The following SEC63 variants were observed in gnomAD, a reference collection of about 807,000 sequenced individuals.
The protein encoded by SEC63 is translocation protein SEC63 homolog.
In SEC63, 56 loss-of-function variants were observed where a neutral mutation model predicts 116.2. That is an observed-to-expected ratio of 0.48 (90% CI 0.39 to 0.60). SEC63 has a LOEUF of 0.60. Among genes scored for constraint, SEC63 ranks in the 20% least tolerant of loss-of-function variants. SEC63 has a pLI of 0.00. For missense variants in SEC63, 668 were observed against 900.0 expected (o/e 0.74, Z 3.30); for synonymous variants, 273 against 294.6 (o/e 0.93, Z 0.75).
Position 107,912,743 on chromosome 6 carries a change from C to A in SEC63, c.546G>T (p.Trp182Cys), listed in dbSNP as rs766150343. 1.2e-6 allele frequency: 2 copies of A among 1,611,646 alleles called. No individual in the cohort carries two copies. Among genetic ancestry groups the A allele is most frequent in the East Asian group, 2.2e-5 (1 of 44,856 alleles). Residue 182 changes from tryptophan (W) to cysteine (C), a missense_variant, in exon 6 of 21, where the codon TGG becomes TGT. By Grantham distance (215) the Trp-to-Cys change is radical. This residue lies in a region of SEC63 where 430 missense variants were observed against 557.5 expected (regional missense o/e 0.77). Coordinates refer to ENST00000369002, the MANE Select transcript of SEC63 (RefSeq NM_007214.5). ...ATSFGIALPA[W>C]IVDQKNSILV... Reference sequence around the variant, plus strand: ...GAATTGAGTTTTTCTGGTCAACTATCCAAGCTGGCAGGGCAATTCCAAAGC... The same window carrying A: ...GAATTGAGTTTTTCTGGTCAACTATACAAGCTGGCAGGGCAATTCCAAAGC...
rs183910668 is a variant in SEC63 at position 107,901,533 on chromosome 6, A to G, written c.1210-16T>C. 1.3e-6 allele frequency: 2 copies of G among 1,514,422 alleles called. No individual in the cohort carries two copies. 93.8% of individuals were successfully genotyped at this position (1,514,422 alleles called of 1,614,324 possible). A position where few individuals can be genotyped will look rare whatever the true frequency, so the allele number is the denominator to read the frequency against. The stretch of plus-strand genomic sequence containing the variant: ...TAATTTTATACTGAATAAAAAAAAA[A>G]AAGAAAATACATAATTCCCTAACTC... On this transcript the variant is annotated splice_polypyrimidine_tract_variant and intron_variant, in intron 12 of 20. Coordinates refer to ENST00000369002, the MANE Select transcript of SEC63 (RefSeq NM_007214.5).
intron 4 of SEC63, among the ~76,000 whole-genome samples, chr6:107,914,718 C>G (rs1297272573): frequency 5.3e-5 from 8 of 152,154 alleles, no homozygotes; most frequent in Non-Finnish European, 1.2e-4. Flanking sequence ...CCCTGTACAA[C>G]TGTCCACCCA....
intron 1 of SEC63, among the ~76,000 whole-genome samples, chr6:107,939,302 AACTT>A (rs1770321084): frequency 6.6e-6 from 1 of 152,154 alleles, no homozygotes; most frequent in Non-Finnish European, 1.5e-5. Context: ...AAACAACTAA[AACTT>A]ATTTTTGAAA....
intron 20 of SEC63, among the ~76,000 whole-genome samples, 156 bp from the exon 21 acceptor site, chr6:107,872,003 A>G (rs985864417): frequency 6.6e-6 from 1 of 152,250 alleles, no homozygotes; most frequent in East Asian, 1.9e-4. Context: ...TAGAACAGAC[A>G]CTTCATCCCA....
At chr6:107,926,603 AAAAAC>A (rs1487156579) in intron 2 of SEC63, among the ~76,000 whole-genome samples, 15 of 152,186 alleles carry the variant, frequency 9.9e-5, no homozygotes, top group Non-Finnish European at 1.2e-4. Context: ...TCAATATGCT[AAAAAC>A]AAAACAAAAC....
In SEC63 at chr6:107,881,207, G is replaced by A. The variant is rs1201878733; in HGVS notation, c.1877C>T (p.Ala626Val). 12 of 1,612,954 alleles carry A rather than the reference G, an allele frequency of 7.4e-6. No individual in the cohort carries two copies. The Admixed American group carries it at 1.8e-4, about 25-fold the overall frequency. ...TATTTTTGATTTGGTTTCCAATAGA[G>A]CTCTCTCTTTTCGCTGTATGCTTTG... Reference protein sequence around the residue: ...LQQSIQRKERALLETKSKITH... With the variant: ...LQQSIQRKERVLLETKSKITH... The change falls in exon 18 of 21, where the codon GCT becomes GTT. Residue 626 changes from alanine to valine, a missense_variant. Coordinates refer to ENST00000369002, the MANE Select transcript of SEC63 (RefSeq NM_007214.5).
intron 1 of SEC63, chr6:107,956,223 TG>T (rs1770708221): frequency 5.7e-6 from 1 of 174,898 alleles, no homozygotes; most frequent in Admixed American, 6.2e-5. Flanking sequence ...TTGTTCTGCC[TG>T]ATCAAAACAC....
chr6:107,897,928 A>C (rs1786901280), intron 13 of SEC63, among the ~76,000 whole-genome samples, 197 bp from the exon 14 acceptor site: 1 of 152,202 alleles, frequency 6.6e-6, no homozygotes, highest in South Asian at 2.1e-4. Context: ...CAATTAATTC[A>C]TTTAATCCTT....
rs559066645 is a variant in SEC63, at chr6:107,944,438, C to T, written c.124+13448G>A. The stretch of plus-strand genomic sequence containing the variant: ...CTGGGCTAGGTGCAGCGGCTCATGC[C>T]TGTAATCCCAGCACTTTGGGAGGCC... On this transcript the variant is annotated intron_variant, in intron 1 of 20. Coordinates refer to ENST00000369002, the MANE Select transcript of SEC63 (RefSeq NM_007214.5). 1.7e-4 allele frequency among the ~76,000 whole-genome samples: 26 copies of T among 152,296 alleles called. No individual in the cohort carries two copies. The South Asian group carries it at 5.2e-3, about 30-fold the overall frequency.
intron 1 of SEC63, among the ~76,000 whole-genome samples, chr6:107,946,562 G>C (rs1473717770): frequency 6.6e-6 from 1 of 152,180 alleles, no homozygotes; most frequent in African/African-American, 2.4e-5. Flanking sequence ...CCTTCATGTT[G>C]TCCTGTAATT....
Position 107,906,545 on chromosome 6 carries a change from C to G in SEC63, c.864G>C (p.Lys288Asn). 6.2e-7 allele frequency: 1 copy of G among 1,613,268 alleles called. No homozygotes were observed. The highest frequency in any genetic ancestry group is 8.5e-7 in the Non-Finnish European group (1 of 1,179,286). ...ATGGGCAGGTAAGTGGAGGCTCATT[C>G]TTCTTTAAATTAATGCTGCCAATTT... The part of the protein sequence containing the change: ...IREIGSINLK[K>N]NEPPLTCPYS... The change falls in exon 10 of 21, where the codon AAG becomes AAC. Residue 288 changes from lysine to asparagine, a missense_variant. Around this residue, in one of 5 missense-constraint regions of SEC63, gnomAD observed 430 missense variants for 557.5 expected, o/e 0.77. Coordinates refer to ENST00000369002, the MANE Select transcript of SEC63 (RefSeq NM_007214.5).
chr6:107,903,492 G>T (rs1787057647), intron 11 of SEC63, among the ~76,000 whole-genome samples: 1 of 152,048 alleles, frequency 6.6e-6, no homozygotes, highest in Non-Finnish European at 1.5e-5. Context: ...CTTAAAGCCA[G>T]GAGTTGGAAA....
intron 1 of SEC63, among the ~76,000 whole-genome samples, chr6:107,938,848 C>A (rs1212990301): frequency 6.6e-6 from 1 of 152,188 alleles, no homozygotes; most frequent in Non-Finnish European, 1.5e-5. Flanking sequence ...AGCCACCGCC[C>A]ACGCCCAGCT....
At chr6:107,883,273 C>G in intron 16 of SEC63, 127 bp from the exon 17 acceptor site, 1 of 1,171,958 alleles carries the variant, frequency 8.5e-7, no homozygotes, top group Non-Finnish European at 1.2e-6. Flanking sequence ...TATTCATATA[C>G]AATTTTTTAA....
At chr6:107,906,393 T>C (rs1404594859) in intron 10 of SEC63, 55 bp downstream of exon 10, 1 of 1,584,868 alleles carries the variant, frequency 6.3e-7, no homozygotes, top group African/African-American at 1.3e-5. Flanking sequence ...TAAGTCTAAT[T>C]AATTCTGCTG....
intron 1 of SEC63, among the ~76,000 whole-genome samples, chr6:107,941,785 A>G (rs1770381515): frequency 6.6e-6 from 1 of 152,202 alleles, no homozygotes; most frequent in African/African-American, 2.4e-5. Flanking sequence ...TGCTTCAATC[A>G]GGGCCTGTAA....
intron 1 of SEC63, among the ~76,000 whole-genome samples, chr6:107,939,589 TA>T (rs1032954041): frequency 2.0e-5 from 3 of 151,954 alleles, no homozygotes; most frequent in Non-Finnish European, 2.9e-5. Flanking sequence ...CCATCTCTAC[TA>T]AAAATACAAA....
intron 4 of SEC63, among the ~76,000 whole-genome samples, chr6:107,919,923 T>A (rs552281121): frequency 6.6e-6 from 1 of 152,126 alleles, no homozygotes. Flanking sequence ...ATTTAAATGA[T>A]GTAGTCAATT....
chr6:107,927,868 A>T lies in SEC63; in HGVS notation c.224+1547T>A, dbSNP rs556216432. On this transcript the variant is annotated intron_variant, in intron 2 of 20. Transcript: ENST00000369002. ...ACTGATATTACCTAATATAATACAC[A>T]CTGTGGAAACAGTTATTACACTGTA... is the stretch of plus-strand genomic sequence containing the variant. Among the ~76,000 whole-genome samples the T allele has an allele frequency of 5.3e-5, 8 of 152,284 alleles. 1 individual carries two copies. The highest frequency in any genetic ancestry group is 1.9e-4 in the African/African-American group (8 of 41,564).
Sources: allele counts gnomAD v4.1 joint callset (sites outside exome capture counted in the v4.1 genomes callset), GRCh38; gene constraint gnomAD v4.1.1; regional missense constraint gnomAD v4.1.1; transcripts MANE v1.5; gene names NCBI Gene and HGNC (gene_info 2026-07-23, HGNC 2026-07-21).